Variants in HS3ST5 observed in about 807,000 individuals in gnomAD.
The protein encoded by HS3ST5 is heparan sulfate glucosamine 3-O-sulfotransferase 5.
A neutral mutation model predicts 25.4 loss-of-function variants in HS3ST5; 10 were observed. That is an observed-to-expected ratio of 0.39 (90% CI 0.24 to 0.67). The LOEUF (loss-of-function observed/expected upper bound fraction) is 0.67, where lower values mean the gene tolerates loss of function less well. HS3ST5 is among the 30% of genes least tolerant of loss of function. HS3ST5 has a pLI of 0.44. For synonymous variants in HS3ST5, 170 were observed against 162.4 expected (o/e 1.05, Z -0.36); for missense variants, 324 against 420.7 (o/e 0.77, Z 2.01).
intron 2 of HS3ST5, among the ~76,000 whole-genome samples, chr6:114,217,924 T>C (rs1582727131): frequency 6.6e-6 from 1 of 152,228 alleles, no homozygotes; most frequent in African/African-American, 2.4e-5. Context: ...ATGAGTTTAG[T>C]GTTAGCCTAA....
At chr6:114,102,684 A>T (rs1177243622) in intron 3 of HS3ST5, among the ~76,000 whole-genome samples, 2 of 152,206 alleles carry the variant, frequency 1.3e-5, no homozygotes, top group Non-Finnish European at 2.9e-5. Context: ...TATGCCAAAA[A>T]TCACACACTA....
chr6:114,341,829 C>T (rs943470755), intron 1 of HS3ST5, among the ~76,000 whole-genome samples: 1 of 152,102 alleles, frequency 6.6e-6, no homozygotes, highest in African/African-American at 2.4e-5. Flanking sequence ...GAACGCGAAC[C>T]CCTAAACTCT....
chr6:114,295,828 T>C (rs1255059279), intron 1 of HS3ST5, among the ~76,000 whole-genome samples: 4 of 152,204 alleles, frequency 2.6e-5, no homozygotes, highest in African/African-American at 9.6e-5. Context: ...AAGTGGCTTC[T>C]TCACAGCTTG....
intron 1 of HS3ST5, among the ~76,000 whole-genome samples, chr6:114,323,255 T>A (rs1215453633): frequency 1.3e-5 from 2 of 152,154 alleles, no homozygotes; most frequent in African/African-American, 2.4e-5. Context: ...AGGATTAGTA[T>A]TCAGATTAGA....
chr6:114,160,911 A>T (rs1778913653), intron 3 of HS3ST5, among the ~76,000 whole-genome samples: 1 of 152,196 alleles, frequency 6.6e-6, no homozygotes, highest in East Asian at 1.9e-4. Context: ...TAATGTGCAA[A>T]AGAAACCACT....
At chr6:114,341,242 AGAGAGAGAGAGAGAGAGAGT>A (rs1776848351) in intron 1 of HS3ST5, among the ~76,000 whole-genome samples, 2 of 146,340 alleles carry the variant, frequency 1.4e-5, no homozygotes, top group African/African-American at 5.2e-5. Context: ...AGAGAGAGAG[AGAGAGAGAGAGAGAGAGAGT>A]GAGTCCCACC....
At chr6:114,092,697 A>G (rs1444948655) in intron 3 of HS3ST5, among the ~76,000 whole-genome samples, 1 of 150,128 alleles carries the variant, frequency 6.7e-6, no homozygotes, top group Non-Finnish European at 1.5e-5. Flanking sequence ...TTTTTTGAGA[A>G]GGAGTTTCAC....
intron 1 of HS3ST5, among the ~76,000 whole-genome samples, chr6:114,280,078 G>T (rs1437020512): frequency 6.6e-6 from 1 of 151,744 alleles, no homozygotes. Context: ...CCAAAGAAGT[G>T]ATATCTAAGT....
chr6:114,107,147 A>G (rs1776034345), intron 3 of HS3ST5, among the ~76,000 whole-genome samples: 1 of 152,168 alleles, frequency 6.6e-6, no homozygotes, highest in African/African-American at 2.4e-5. Flanking sequence ...AAAGTTTTAT[A>G]TTCTAACTTT....
At chr6:114,230,594 CTCTT>C (rs1771536844) in intron 1 of HS3ST5, among the ~76,000 whole-genome samples, 2 of 100,404 alleles carry the variant, frequency 2.0e-5, no homozygotes, top group Non-Finnish European at 4.3e-5. Flanking sequence ...TGCCTTAAGA[CTCTT>C]TTTTTTTTTT....
intron 3 of HS3ST5, among the ~76,000 whole-genome samples, chr6:114,164,856 A>G (rs2114990983): frequency 6.6e-6 from 1 of 152,318 alleles, no homozygotes; most frequent in South Asian, 2.1e-4. Flanking sequence ...GTTTTATAAG[A>G]CTGAGCCATT....
At chr6:114,311,539 CTTT>C (rs11463610) in intron 1 of HS3ST5, among the ~76,000 whole-genome samples, 195 of 84,890 alleles carry the variant, frequency 2.3e-3, no homozygotes, top group African/African-American at 8.6e-3. Context: ...TTCTCTCTCT[CTTT>C]TTTTTTTTTT....
At chr6:114,111,235 C>T (rs1776251910) in intron 3 of HS3ST5, among the ~76,000 whole-genome samples, 2 of 152,154 alleles carry the variant, frequency 1.3e-5, no homozygotes, top group Admixed American at 1.3e-4. Flanking sequence ...TCAATGCTTT[C>T]TGGGCATAGT....
At chr6:114,202,222 C>T (rs1781053890) in intron 2 of HS3ST5, among the ~76,000 whole-genome samples, 1 of 152,142 alleles carries the variant, frequency 6.6e-6, no homozygotes, top group Admixed American at 6.5e-5. Flanking sequence ...GCGTTTGACA[C>T]TAGCCTGGGC....
At chr6:114,125,996 C>T (rs982640347) in intron 3 of HS3ST5, among the ~76,000 whole-genome samples, 1 of 152,118 alleles carries the variant, frequency 6.6e-6, no homozygotes, top group Non-Finnish European at 1.5e-5. Flanking sequence ...ATTGAGACAA[C>T]AAAGCTCTTG....
intron 3 of HS3ST5, among the ~76,000 whole-genome samples, chr6:114,102,514 C>G (rs1278554713): frequency 6.6e-6 from 1 of 152,058 alleles, no homozygotes; most frequent in Non-Finnish European, 1.5e-5. Context: ...GAGAATTGTG[C>G]CATGATTGAG....
At chr6:114,327,033 C>CTGTTG (rs112893377) in intron 1 of HS3ST5, among the ~76,000 whole-genome samples, 3,248 of 152,226 alleles carry the variant, frequency 0.021, 106 homozygotes, top group African/African-American at 0.074. Context: ...CACACAACTG[C>CTGTTG]TGTTTCTTGG....
chr6:114,145,859 A>G (rs561930850), intron 3 of HS3ST5, among the ~76,000 whole-genome samples: 15 of 152,310 alleles, frequency 9.8e-5, no homozygotes, highest in East Asian at 3.9e-4. Context: ...TGCTGTATCT[A>G]TCATAGCTGA....
At chr6:114,136,206 T>C (rs1194059376) in intron 3 of HS3ST5, among the ~76,000 whole-genome samples, 1 of 152,200 alleles carries the variant, frequency 6.6e-6, no homozygotes, top group Non-Finnish European at 1.5e-5. Context: ...TCATCTTGAA[T>C]TGTAGCTTCA....
Sources: allele counts gnomAD v4.1 joint callset (sites outside exome capture counted in the v4.1 genomes callset), GRCh38; gene constraint gnomAD v4.1.1; transcripts MANE v1.5; gene names NCBI Gene and HGNC (gene_info 2026-07-23, HGNC 2026-07-21).